Variants in FAAH2 observed in about 807,000 individuals in gnomAD.
FAAH2 encodes the protein fatty-acid amide hydrolase 2.
FAAH2 carries 60 observed loss-of-function variants against 36.9 expected under a neutral mutation model. The observed-to-expected ratio is 1.63, with a 90% CI of 1.32 to 2.02. The LOEUF (loss-of-function observed/expected upper bound fraction) is 2.02. Among genes scored for constraint, FAAH2 ranks in the 30% most tolerant of loss-of-function variants. The probability of loss-of-function intolerance (pLI) is 0.00; values close to 1 mark genes in which losing one functional copy is unlikely to be tolerated. For missense variants in FAAH2, 689 were observed against 397.5 expected, an observed-to-expected ratio of 1.73 and a Z score of -6.23; for synonymous variants, 214 against 143.8, an observed-to-expected ratio of 1.49 and a Z score of -3.49.
At chrX:57,164,160 C>G in the FAAH2 span, among the ~76,000 whole-genome samples, 30 of 112,068 alleles carry the variant, frequency 2.7e-4, no homozygotes, top group African/African-American at 9.4e-4. Context: ...TCAGTAAAAA[C>G]AGTTGGGAAA....
rs747582427 is a variant in FAAH2, at chrX:57,399,597, G to A, written c.996+18568G>A. Reference sequence around the variant, plus strand: ...CTTTTGGCTTCAATATCCACTTGGCGGTTCCCTTCTATTTCCCTTTTCTTT... The same window carrying A: ...CTTTTGGCTTCAATATCCACTTGGCAGTTCCCTTCTATTTCCCTTTTCTTT... On this transcript the variant is annotated intron_variant, in intron 7 of 10. Transcript: ENST00000374900. Among the ~76,000 whole-genome samples the A allele has an allele frequency of 4.5e-5, 5 of 111,250 alleles. No individual in the cohort carries two copies. In the South Asian group the frequency reaches 1.2e-3, roughly 26 times the overall value.
At chrX:57,383,953 A>G (rs2054933151) in intron 7 of FAAH2, among the ~76,000 whole-genome samples, 1 of 112,034 alleles carries the variant, frequency 8.9e-6, no homozygotes, top group African/African-American at 3.2e-5. Flanking sequence ...CCAAAACAGC[A>G]TGGTACTGGT....
chrX:57,378,738 A>G lies in FAAH2; in HGVS notation c.830A>G (p.Glu277Gly). The G allele has an allele frequency of 8.3e-7, 1 of 1,210,919 alleles. No individual in the cohort carries two copies. The highest frequency in any genetic ancestry group is 1.1e-6 in the Non-Finnish European group (1 of 895,100). Reference protein sequence around the residue: ...LCTGPMCRYAEDLAPMLKVMA... With the variant: ...LCTGPMCRYAGDLAPMLKVMA... ...ACTGGTCCTATGTGCCGTTATGCTG[A>G]AGACCTGGCCCCCATGTTGAAGGTC... is the stretch of plus-strand genomic sequence containing the variant. Residue 277 changes from glutamate to glycine, a missense_variant, in exon 6 of 11, where the codon GAA becomes GGA. Transcript: ENST00000374900.
the FAAH2 span, among the ~76,000 whole-genome samples, chrX:57,149,656 T>C: frequency 9.0e-6 from 1 of 111,526 alleles, no homozygotes; most frequent in Non-Finnish European, 1.9e-5. Flanking sequence ...CTTTTCTTCT[T>C]TACTAGTCTT....
intron 7 of FAAH2, chrX:57,394,446 G>T (rs1397542999): frequency 5.0e-6 from 6 of 1,197,770 alleles, no homozygotes; most frequent in Non-Finnish European, 6.8e-6. Context: ...ACTCAAGCCA[G>T]CTTACCAATG....
intron 8 of FAAH2, among the ~76,000 whole-genome samples, chrX:57,439,807 G>A (rs150430522): frequency 0.33 from 36,920 of 110,605 alleles, 5,043 homozygotes; most frequent in Middle Eastern, 0.61. Context: ...TCCAGTTTTA[G>A]CTTTCTACAT....
At chrX:57,429,338 CA>C (rs34604723) in intron 7 of FAAH2, among the ~76,000 whole-genome samples, 671 of 53,111 alleles carry the variant, frequency 0.013, 5 homozygotes, top group African/African-American at 0.04. Context: ...GATTCCATCT[CA>C]AAAAAAAAAA....
chrX:57,240,248 G>A, the FAAH2 span, among the ~76,000 whole-genome samples: 1 of 111,404 alleles, frequency 9.0e-6, no homozygotes, highest in South Asian at 3.8e-4. Flanking sequence ...ACTGGTATAA[G>A]TTGGGTTTAG....
intron 5 of FAAH2, among the ~76,000 whole-genome samples, chrX:57,358,368 A>G (rs1162723806): frequency 1.8e-5 from 2 of 110,333 alleles, no homozygotes; most frequent in African/African-American, 3.3e-5. Context: ...CCCTTTCTCC[A>G]TCTCCTGACA....
At chrX:57,396,026 A>G (rs1056229540) in intron 7 of FAAH2, among the ~76,000 whole-genome samples, 3 of 111,712 alleles carry the variant, frequency 2.7e-5, no homozygotes, top group Non-Finnish European at 5.7e-5. Flanking sequence ...ATTACTTGTT[A>G]TTGGTCTGTT....
At chrX:57,312,613 G>T (rs1019462656) in intron 3 of FAAH2, among the ~76,000 whole-genome samples, 1 of 109,162 alleles carries the variant, frequency 9.2e-6, no homozygotes. Flanking sequence ...CTAGGAGGTG[G>T]AAGTTGCAGT....
At chrX:57,436,425 T>C (rs1038996196) in intron 8 of FAAH2, among the ~76,000 whole-genome samples, 1 of 107,233 alleles carries the variant, frequency 9.3e-6, no homozygotes, top group African/African-American at 3.4e-5. Context: ...GTACAAAGGG[T>C]CACTGAAACA....
the FAAH2 span, among the ~76,000 whole-genome samples, chrX:57,228,105 C>T: frequency 8.9e-6 from 1 of 112,248 alleles, no homozygotes; most frequent in African/African-American, 3.2e-5. Flanking sequence ...GTTCTTTCCC[C>T]ACCTGTGAAG....
chrX:57,302,648 A>T (rs1343650125), intron 2 of FAAH2, among the ~76,000 whole-genome samples: 1 of 111,365 alleles, frequency 9.0e-6, no homozygotes, highest in Admixed American at 9.6e-5. Context: ...CCAAAAAGCT[A>T]TCCAAGGGGT....
intron 5 of FAAH2, among the ~76,000 whole-genome samples, chrX:57,342,930 A>G (rs1304140256): frequency 9.0e-6 from 1 of 111,713 alleles, no homozygotes; most frequent in Non-Finnish European, 1.9e-5. Context: ...CTCTAGCTGC[A>G]TCCATACTAT....
At chrX:57,231,727 G>A in the FAAH2 span, among the ~76,000 whole-genome samples, 55 of 111,839 alleles carry the variant, frequency 4.9e-4, 1 homozygote, top group African/African-American at 1.6e-3. Context: ...TTGAACCCAA[G>A]CATTCTGGCT....
intron 3 of FAAH2, among the ~76,000 whole-genome samples, chrX:57,312,146 C>T (rs997846710): frequency 8.9e-6 from 1 of 112,411 alleles, no homozygotes; most frequent in Non-Finnish European, 1.9e-5. Context: ...CTCCCAAATC[C>T]CAGGAGCAGA....
At chrX:57,280,784 A>G in the FAAH2 span, among the ~76,000 whole-genome samples, 1 of 112,567 alleles carries the variant, frequency 8.9e-6, no homozygotes, top group African/African-American at 3.2e-5. Flanking sequence ...GCTTTATTCA[A>G]TAATAACCAA....
chrX:57,208,521 G>C, the FAAH2 span, among the ~76,000 whole-genome samples: 1 of 111,718 alleles, frequency 9.0e-6, no homozygotes, highest in African/African-American at 3.3e-5. Context: ...ACCTGGGTTT[G>C]AGCCCCCACG....
Sources: gnomAD v4.1 joint callset for allele counts (sites outside exome capture counted in the v4.1 genomes callset) on GRCh38, gnomAD v4.1.1 for gene constraint, MANE v1.5 for transcripts, NCBI Gene and HGNC (gene_info 2026-07-23, HGNC 2026-07-21) for gene names.